GINS4: variants seen among roughly 807,000 people sequenced by gnomAD.
GINS4 encodes DNA replication complex GINS protein SLD5.
A neutral mutation model predicts 31.1 loss-of-function variants in GINS4; 20 were observed. That is an observed-to-expected ratio of 0.64 (90% CI 0.45 to 0.93). The LOEUF (loss-of-function observed/expected upper bound fraction) is 0.93. GINS4 is among the 40% of genes least tolerant of loss of function. The pLI is 0.00. For synonymous variants in GINS4, 85 were observed against 97.9 expected, an observed-to-expected ratio of 0.87 and a Z score of 0.78; for missense variants, 245 against 273.9, an observed-to-expected ratio of 0.89 and a Z score of 0.75.
At chr8:41,530,402 C>T (rs7819949) in intron 2 of GINS4, 104 bp downstream of exon 2, 256,363 of 766,948 alleles carry the variant, frequency 0.33, 44,574 homozygotes, top group African/African-American at 0.49. Context: ...TTGGGGCTTA[C>T]TTTAGAACAG....
chr8:41,533,432 G>T (rs982940955), intron 2 of GINS4, among the ~76,000 whole-genome samples: 1 of 152,206 alleles, frequency 6.6e-6, no homozygotes, highest in Non-Finnish European at 1.5e-5. Flanking sequence ...GGCGGCGGGG[G>T]TTCTGACAGC....
chr8:41,530,448 C>G (rs548997437), intron 2 of GINS4, 150 bp downstream of exon 2: 68 of 614,684 alleles, frequency 1.1e-4, no homozygotes, highest in South Asian at 8.0e-4. Context: ...AAACGGGAAG[C>G]AAGAAGGACA....
At position 41,543,418 on chromosome 8, in the gene GINS4, T is replaced by C. The variant is rs1429262707; in HGVS notation, c.*1331T>C. The stretch of plus-strand genomic sequence containing the variant: ...CGGAGTGACGTTAACCATCTTGTAT[T>C]GTGACCTGTGGCCGCTTTTCTGGTT... On this transcript the variant is annotated 3_prime_UTR_variant, in exon 8 of 8. Transcript: ENST00000276533. The C allele has an allele frequency of 1.3e-5, 2 of 152,160 alleles. No individual in the cohort carries two copies. Among genetic ancestry groups the C allele is most frequent in the African/African-American group, 2.4e-5 (1 of 41,398 alleles). The allele number at this position is 152,160 out of a possible 1,614,324, so 9.4% of individuals were successfully genotyped here.
At chr8:41,532,078 T>A (rs1806655153) in intron 2 of GINS4, among the ~76,000 whole-genome samples, 1 of 152,256 alleles carries the variant, frequency 6.6e-6, no homozygotes, top group South Asian at 2.1e-4. Context: ...GTGCTGGGAT[T>A]ACAGGCATGA....
chr8:41,536,690 C>T (rs953177554), intron 3 of GINS4, among the ~76,000 whole-genome samples: 22 of 152,212 alleles, frequency 1.4e-4, no homozygotes, highest in Non-Finnish European at 2.9e-4. Flanking sequence ...AACAGTTGAC[C>T]AGAGCAGTCC....
In GINS4 at chr8:41,530,268, T is replaced by C; in HGVS notation, c.66T>C (p.Thr22=). ...SDGGSEEVVL[T]PAELIERLEQ... ...GGGGTAGTGAGGAAGTGGTCCTAAC[T>C]CCTGCAGAGCTCATTGAAAGATTGG... The change falls in exon 2 of 8, where the codon ACT becomes ACC. Residue 22 remains threonine, a synonymous_variant. Coordinates refer to ENST00000276533, the MANE Select transcript of GINS4 (RefSeq NM_032336.3). 6.2e-7 allele frequency: 1 copy of C among 1,613,774 alleles called. No individual in the cohort carries two copies. Among genetic ancestry groups the C allele is most frequent in the African/African-American group, 1.3e-5 (1 of 75,034 alleles).
chr8:41,540,279 A>G (rs1806814705), intron 6 of GINS4: 2 of 486,242 alleles, frequency 4.1e-6, no homozygotes, highest in South Asian at 2.1e-5. Flanking sequence ...CGCCTTCAGT[A>G]GCCATCTGCT....
At position 41,539,675 on chromosome 8, in the gene GINS4, CAGAT is replaced by C. The variant is rs2150460961; in HGVS notation, c.299_302del (p.Ile100ArgfsTer41). Reference sequence around the variant, plus strand: ...TCATGAAGATTTTGCTTTATCCTCACAGATAGAGAAGTTTTTCCCTCATGTCCTT... The same window carrying C: ...TCATGAAGATTTTGCTTTATCCTCACAGAGAAGTTTTTCCCTCATGTCCTT... On this transcript the variant is annotated splice_acceptor_variant and coding_sequence_variant, in exon 5 of 8. Coordinates refer to ENST00000276533, the MANE Select transcript of GINS4 (RefSeq NM_032336.3). LOFTEE classifies it high-confidence loss of function. 1.2e-6 allele frequency: 2 copies of C among 1,605,430 alleles called. No individual in the cohort carries two copies. Among genetic ancestry groups the C allele is most frequent in the Non-Finnish European group, 8.5e-7 (1 of 1,172,536 alleles).
chr8:41,539,769 C>T lies in GINS4; in HGVS notation c.389C>T (p.Ala130Val), dbSNP rs1322188898. ...CTCTCGCCGGAAGAGTTGGCCTTTG[C>T]CAGAGAGTGAGTGAGTGAGCCGTTG... ...SSLSPEELAF[A>V]REFMANTESY... Residue 130 changes from alanine (A) to valine (V), a missense_variant, in exon 5 of 8, where the codon GCC becomes GTC. By Grantham distance (64) the Ala-to-Val change is moderately conservative. Transcript: ENST00000276533. The T allele has an allele frequency of 1.2e-6, 2 of 1,613,620 alleles. No individual in the cohort carries two copies. The highest frequency in any genetic ancestry group is 1.7e-5 in the Admixed American group (1 of 59,996).
At position 41,530,212 on chromosome 8, in the gene GINS4, G is replaced by T. The variant is rs141250807; in HGVS notation, c.10G>T (p.Glu4Ter). 1.2e-6 allele frequency: 2 copies of T among 1,613,178 alleles called. No homozygotes were observed. The highest frequency in any genetic ancestry group is 2.2e-5 in the South Asian group (2 of 91,052). The part of the protein sequence containing the change: MTE[E>*]VDFLGQDSDG... ...CCTGGTTTCAGAGAAGATGACCGAA[G>T]AAGTGGATTTCCTGGGACAGGACTC... is the stretch of plus-strand genomic sequence containing the variant. Residue 4 changes from glutamate (E) to a stop codon, truncating the protein, a stop_gained, in exon 2 of 8, where the codon GAA becomes TAA. Transcript: ENST00000276533. LOFTEE classifies it high-confidence loss of function.
In GINS4 at chr8:41,533,277, C is replaced by T. The variant is rs146498461; in HGVS notation, c.96+2979C>T. ...GCAAAATTATTGTTCAAGGCAGAGC[C>T]GCCACCCTTGGGTGATGTGGCACAC... On this transcript the variant is annotated intron_variant, in intron 2 of 7. Transcript: ENST00000276533. Among the ~76,000 whole-genome samples, 705 of 152,294 alleles carry T rather than the reference C, an allele frequency of 4.6e-3. 1 individual carries two copies. Among genetic ancestry groups the T allele is most frequent in the Middle Eastern group, 0.034 (10 of 294 alleles).
intron 2 of GINS4, 39 bp from the exon 3 acceptor site, chr8:41,536,321 G>A (rs773019886): frequency 2.2e-5 from 28 of 1,250,718 alleles, no homozygotes; most frequent in Middle Eastern, 3.8e-4. Context: ...TTAGCTCTGT[G>A]GTGGGTGATG....
chr8:41,537,549 C>A, intron 4 of GINS4: 1 of 389,234 alleles, frequency 2.6e-6, no homozygotes. Flanking sequence ...GTGGTTCCCC[C>A]TTGCGTTACA....
chr8:41,534,337 G>A, intron 2 of GINS4: 1 of 351,010 alleles, frequency 2.8e-6, no homozygotes. Context: ...AGCCTTGGAG[G>A]TCAAGAATGC....
chr8:41,531,068 T>G (rs1806641527), intron 2 of GINS4, among the ~76,000 whole-genome samples: 1 of 151,848 alleles, frequency 6.6e-6, no homozygotes, highest in Non-Finnish European at 1.5e-5. Flanking sequence ...GGTCCAGGAG[T>G]TCGAGACCAG....
chr8:41,539,333 A>AAAAAAAAAAAC (rs1563255162), intron 4 of GINS4, among the ~76,000 whole-genome samples: 3 of 148,272 alleles, frequency 2.0e-5, no homozygotes. Flanking sequence ...AAAAAAAAAA[A>AAAAAAAAAAAC]AAAAAAAAAA....
At chr8:41,537,455 T>C (rs1806761787) in intron 4 of GINS4, 162 bp downstream of exon 4, 2 of 573,894 alleles carry the variant, frequency 3.5e-6, no homozygotes, top group Non-Finnish European at 3.1e-6. Flanking sequence ...GAGCGAGAGA[T>C]TGCTCCACAG....
intron 2 of GINS4, among the ~76,000 whole-genome samples, chr8:41,535,438 A>G (rs1331593771): frequency 6.6e-6 from 1 of 152,186 alleles, no homozygotes; most frequent in African/African-American, 2.4e-5. Flanking sequence ...CCCATGCATT[A>G]TGCAGGTTTT....
Position 41,542,029 on chromosome 8 carries a change from T to C in GINS4, c.614T>C (p.Leu205Ser). ...VIDLEKGSQH[L>S]IRYKTIAPLV... ...GACCTGGAGAAGGGCTCACAGCACT[T>C]GATCCGATACAAAACCATTGCACCT... The change falls in exon 8 of 8, where the codon TTG becomes TCG. Residue 205 changes from leucine (L) to serine (S), a missense_variant. Physicochemically the swap from Leu to Ser is moderately radical, Grantham distance 145 (BLOSUM62 -2). Coordinates refer to ENST00000276533, the MANE Select transcript of GINS4 (RefSeq NM_032336.3). 3.1e-6 allele frequency: 5 copies of C among 1,614,182 alleles called. No homozygotes were observed. The highest frequency in any genetic ancestry group is 4.2e-6 in the Non-Finnish European group (5 of 1,180,034).
Sources: gnomAD v4.1 joint callset for allele counts (sites outside exome capture counted in the v4.1 genomes callset) on GRCh38, gnomAD v4.1.1 for gene constraint, MANE v1.5 for transcripts, NCBI Gene and HGNC (gene_info 2026-07-23, HGNC 2026-07-21) for gene names.